Variants in GHRHR observed in about 807,000 individuals in gnomAD.
GHRHR encodes growth hormone-releasing hormone receptor.
A neutral mutation model predicts 58.3 loss-of-function variants in GHRHR; 40 were observed. That is an observed-to-expected ratio of 0.69 (90% CI 0.53 to 0.89). The LOEUF (loss-of-function observed/expected upper bound fraction) is 0.89, where lower values mean the gene tolerates loss of function less well. Among genes scored for constraint, GHRHR ranks in the 40% least tolerant of loss-of-function variants. The pLI is 0.00. For missense variants in GHRHR, 551 were observed against 541.3 expected (o/e 1.02, Z -0.18); for synonymous variants, 249 against 216.6 (o/e 1.15, Z -1.31).
intron 9 of GHRHR, among the ~76,000 whole-genome samples, chr7:30,975,421 A>G (rs901155608): frequency 1.3e-5 from 2 of 152,204 alleles, no homozygotes; most frequent in Non-Finnish European, 2.9e-5. Context: ...ACTGCTTTGC[A>G]TGGCTTTGGT....
intron 10 of GHRHR, 99 bp from the exon 11 acceptor site, chr7:30,976,330 G>C (rs1049334474): frequency 7.2e-6 from 8 of 1,112,142 alleles, no homozygotes; most frequent in Non-Finnish European, 1.1e-5. Flanking sequence ...CTGTTCCACA[G>C]AGTGGATATA....
At position 30,969,256 on chromosome 7, in the gene GHRHR, A is replaced by T. The variant is rs35071506; in HGVS notation, c.268+86A>T. The T allele has an allele frequency of 1.7e-4, 169 of 969,138 alleles. 2 individuals carry two copies. The East Asian group carries it at 4.3e-3, about 25-fold the overall frequency. 60.0% of individuals were successfully genotyped at this position (969,138 alleles called of 1,614,324 possible). A position where few individuals can be genotyped will look rare whatever the true frequency, so the allele number is the denominator to read the frequency against. On this transcript the variant is annotated intron_variant, in intron 3 of 12. Coordinates refer to ENST00000326139, the MANE Select transcript of GHRHR (RefSeq NM_000823.4). Reference sequence around the variant, plus strand: ...TCATCACTGGATTTGGGGGCAGGCTAACCTGGGTTTGTATACCAACTTCCC... The same window carrying T: ...TCATCACTGGATTTGGGGGCAGGCTTACCTGGGTTTGTATACCAACTTCCC...
At position 30,971,875 on chromosome 7, in the gene GHRHR, C is replaced by T. The variant is rs998103987; in HGVS notation, c.465-88C>T. ...ATTGCATCCAGTTTGATTCGATTCA[C>T]CTCCTGCCCTGTTCAGCCCAGTTGC... is the stretch of plus-strand genomic sequence containing the variant. On this transcript the variant is annotated intron_variant, in intron 5 of 12. Coordinates refer to ENST00000326139, the MANE Select transcript of GHRHR (RefSeq NM_000823.4). The T allele has an allele frequency of 4.1e-6, 5 of 1,217,770 alleles. No homozygotes were observed. The African/African-American group carries it at 7.4e-5, about 18-fold the overall frequency. The allele number at this position is 1,217,770 out of a possible 1,614,324, so 75.4% of individuals were successfully genotyped here.
intron 9 of GHRHR, 100 bp from the exon 10 acceptor site, chr7:30,975,677 A>G (rs1792561672): frequency 1.3e-6 from 1 of 752,856 alleles, no homozygotes; most frequent in Non-Finnish European, 2.5e-6. Flanking sequence ...CGTCTCAAGG[A>G]TTTAAATTTT....
chr7:30,969,989 G>A (rs763549943), intron 4 of GHRHR, 25 bp downstream of exon 4: 1 of 932,988 alleles, frequency 1.1e-6, no homozygotes, highest in Non-Finnish European at 1.8e-6. Context: ...GCATCTTGGA[G>A]GAAGGACTGC....
At chr7:30,977,920 G>A (rs1269497272) in intron 12 of GHRHR, among the ~76,000 whole-genome samples, 1 of 152,230 alleles carries the variant, frequency 6.6e-6, no homozygotes, top group Non-Finnish European at 1.5e-5. Flanking sequence ...ACACGACAGA[G>A]ACTGACGCAA....
At chr7:30,975,943 T>G (rs1792568591) in intron 10 of GHRHR, 75 bp downstream of exon 10, 1 of 854,172 alleles carries the variant, frequency 1.2e-6, no homozygotes, top group South Asian at 1.3e-5. Flanking sequence ...TCTCATCCAA[T>G]AAGCACTCAT....
intron 1 of GHRHR, among the ~76,000 whole-genome samples, chr7:30,964,996 G>A (rs1217422684): frequency 6.6e-6 from 1 of 152,192 alleles, no homozygotes; most frequent in East Asian, 1.9e-4. Context: ...CAGGCTTTGA[G>A]CTTGAATCCT....
chr7:30,965,491 C>T (rs1792329024), intron 1 of GHRHR, among the ~76,000 whole-genome samples: 1 of 152,194 alleles, frequency 6.6e-6, no homozygotes, highest in South Asian at 2.1e-4. Flanking sequence ...TTGGATAAAT[C>T]TTAGAACGAT....
chr7:30,974,807 G>A (rs1792544956), intron 8 of GHRHR, among the ~76,000 whole-genome samples, 164 bp from the exon 9 acceptor site: 1 of 152,190 alleles, frequency 6.6e-6, no homozygotes, highest in East Asian at 1.9e-4. Context: ...GCCCAGCCTG[G>A]ATTGGGGTGC....
chr7:30,974,347 ATGG>A, intron 7 of GHRHR, 79 bp from the exon 8 acceptor site: 7 of 1,168,046 alleles, frequency 6.0e-6, no homozygotes, highest in Non-Finnish European at 7.8e-6. Context: ...TACGTGGCTG[ATGG>A]TGGTGGTGGG....
intron 1 of GHRHR, among the ~76,000 whole-genome samples, chr7:30,968,173 T>TAACA (rs1358834289): frequency 1.3e-5 from 2 of 152,138 alleles, no homozygotes; most frequent in Non-Finnish European, 2.9e-5. Flanking sequence ...CTGAACTCAA[T>TAACA]CACATCTGCA....
chr7:30,969,169 A>C lies in GHRHR; in HGVS notation c.267A>C (p.Ser89=). The change falls in exon 3 of 13, where the codon TCA becomes TCC. Residue 89 remains serine, a splice_region_variant and synonymous_variant. Transcript: ENST00000326139. ...PDFFSHFSSE[S]GAVKRDCTIT... ...TCTTCTCTCACTTCAGCTCAGAGTC[A>C]GGTGAGGGGTGCTGGGTGTGGCGGT... The C allele has an allele frequency of 6.5e-7, 1 of 1,545,038 alleles. No homozygotes were observed. The highest frequency in any genetic ancestry group is 2.3e-5 in the East Asian group (1 of 42,588).
chr7:30,968,562 C>G (rs756492411), intron 1 of GHRHR, among the ~76,000 whole-genome samples: 2 of 150,846 alleles, frequency 1.3e-5, no homozygotes, highest in African/African-American at 4.9e-5. Flanking sequence ...AGAACAAGAG[C>G]ATTAACTGCA....
At chr7:30,968,973 T>A in intron 2 of GHRHR, 37 bp downstream of exon 2, 1 of 1,562,674 alleles carries the variant, frequency 6.4e-7, no homozygotes, top group Non-Finnish European at 8.8e-7. Context: ...GCTTCTCTGA[T>A]TCCTTTATAT....
chr7:30,972,151 C>A, intron 6 of GHRHR, 56 bp downstream of exon 6: 1 of 1,596,096 alleles, frequency 6.3e-7, no homozygotes, highest in Non-Finnish European at 8.6e-7. Context: ...GGTAGGATTA[C>A]AGACCCAGAT....
At chr7:30,964,148 C>G (rs765117603) in intron 1 of GHRHR, 23 bp downstream of exon 1, 1 of 1,542,088 alleles carries the variant, frequency 6.5e-7, no homozygotes. Flanking sequence ...CTGAGACCCT[C>G]TGGCCTCTGC....
intron 1 of GHRHR, 94 bp downstream of exon 1, chr7:30,964,219 C>T (rs1792293736): frequency 9.0e-7 from 1 of 1,110,542 alleles, no homozygotes; most frequent in African/African-American, 1.5e-5. Flanking sequence ...ACCCTACTGC[C>T]CTTCTCCTGC....
chr7:30,969,273 C>T (rs1792431013), intron 3 of GHRHR, 103 bp downstream of exon 3: 13 of 797,694 alleles, frequency 1.6e-5, no homozygotes, highest in Non-Finnish European at 2.7e-5. Context: ...GTTTGTATAC[C>T]AACTTCCCCT....
Sources: allele counts gnomAD v4.1 joint callset (sites outside exome capture counted in the v4.1 genomes callset), GRCh38; gene constraint gnomAD v4.1.1; transcripts MANE v1.5; gene names NCBI Gene and HGNC (gene_info 2026-07-23, HGNC 2026-07-21).